The following RYR2 variants were observed in gnomAD, a reference collection of about 807,000 sequenced individuals.
The protein encoded by RYR2 is cardiac muscle ryanodine receptor-calcium release channel.
RYR2 carries 227 observed loss-of-function variants against 601.1 expected under a neutral mutation model. The ratio of observed to expected loss-of-function variants is 0.38; its 90% CI spans 0.34 to 0.42. The LOEUF is 0.42. Among genes scored for constraint, RYR2 ranks in the 10% least tolerant of loss-of-function variants. RYR2 has a pLI of 1.00. For synonymous variants in RYR2, 2,223 were observed against 2,175.1 expected, an observed-to-expected ratio of 1.02 and a Z score of -0.61; for missense variants, 4,646 against 6,156.5, an observed-to-expected ratio of 0.75 and a Z score of 8.21.
chr1:237,216,765 AC>A (rs1683219598), intron 1 of RYR2, among the ~76,000 whole-genome samples: 7 of 151,184 alleles, frequency 4.6e-5, no homozygotes, highest in Non-Finnish European at 1.5e-5. Flanking sequence ...AAAAAAAAAA[AC>A]AAAAAACAAA....
At chr1:237,249,231 T>C (rs1007897222) in intron 1 of RYR2, among the ~76,000 whole-genome samples, 3 of 152,192 alleles carry the variant, frequency 2.0e-5, no homozygotes, top group African/African-American at 7.2e-5. Flanking sequence ...GTTTTTATAT[T>C]ACTCATAGTA....
At chr1:237,302,064 AT>A (rs1693406817) in intron 2 of RYR2, among the ~76,000 whole-genome samples, 1 of 152,178 alleles carries the variant, frequency 6.6e-6, no homozygotes, top group African/African-American at 2.4e-5. Flanking sequence ...TTCAGACATA[AT>A]TTAAATGAAA....
chr1:237,202,736 T>A (rs953654078), intron 1 of RYR2, among the ~76,000 whole-genome samples: 2 of 152,176 alleles, frequency 1.3e-5, no homozygotes, highest in African/African-American at 4.8e-5. Flanking sequence ...ATGGAAATCT[T>A]GTTCTGAACA....
chr1:237,493,508 A>C (rs760825067), intron 19 of RYR2, among the ~76,000 whole-genome samples: 5 of 152,032 alleles, frequency 3.3e-5, no homozygotes, highest in Non-Finnish European at 7.4e-5. Context: ...GCTGGAGTGC[A>C]GTGGCACGAT....
In RYR2 at chr1:237,066,815, G is replaced by C. The variant is rs559964314; in HGVS notation, c.48+24246G>C. ...CACCACCACACCCGGCTAATTTTTT[G>C]TATTTTTAGTAGAGACGGGGTTTCA... On this transcript the variant is annotated intron_variant, in intron 1 of 104. Transcript: ENST00000366574. 1.6e-3 allele frequency among the ~76,000 whole-genome samples: 243 copies of C among 151,964 alleles called. 1 individual carries two copies. Among genetic ancestry groups the C allele is most frequent in the Middle Eastern group, 3.4e-3 (1 of 294 alleles).
chr1:237,070,677 T>A (rs929057280), intron 1 of RYR2, among the ~76,000 whole-genome samples: 1 of 151,858 alleles, frequency 6.6e-6, no homozygotes, highest in African/African-American at 2.4e-5. Flanking sequence ...GAGGCCAGGG[T>A]TGTGTGAGCA....
chr1:237,042,685 G>GC, intron 1 of RYR2, 116 bp downstream of exon 1: 1 of 1,034,404 alleles, frequency 9.7e-7, no homozygotes. Context: ...GCGAGGGGGT[G>GC]CCCCCTGAGG....
chr1:237,435,748 GA>G (rs1379217354), intron 12 of RYR2, among the ~76,000 whole-genome samples: 2 of 152,156 alleles, frequency 1.3e-5, no homozygotes, highest in African/African-American at 4.8e-5. Flanking sequence ...AGATGACACA[GA>G]AATACATATC....
In RYR2 at chr1:237,661,263, G is replaced by A. The variant is rs557785465; in HGVS notation, c.8436+316G>A. Among the ~76,000 whole-genome samples, 10 of 151,940 alleles carry A rather than the reference G, an allele frequency of 6.6e-5. No individual in the cohort carries two copies. The East Asian group carries it at 1.8e-3, about 27-fold the overall frequency. On this transcript the variant is annotated intron_variant, in intron 56 of 104. Transcript: ENST00000366574. The stretch of plus-strand genomic sequence containing the variant: ...ACACAGGAACAGAAAACCAAACACC[G>A]CATGTTCTCACTCATAAGTGGAAGC...
At position 237,651,431 on chromosome 1, in the gene RYR2, T is replaced by A; in HGVS notation, c.7754T>A (p.Met2585Lys). 1.3e-6 allele frequency: 2 copies of A among 1,596,510 alleles called. No homozygotes were observed. Among genetic ancestry groups the A allele is most frequent in the Non-Finnish European group, 1.7e-6 (2 of 1,170,526 alleles). The change falls in exon 51 of 105, where the codon ATG becomes AAG. Residue 2585 changes from methionine to lysine, a missense_variant. By Grantham distance (95) the Met-to-Lys change is moderately conservative (BLOSUM62 -1). Around this residue, in one of 17 missense-constraint regions of RYR2, gnomAD observed 1,497 missense variants for 1,842.6 expected, o/e 0.81. Transcript: ENST00000366574. The part of the protein sequence containing the change: ...SICGQLRPSM[M>K]QHLLRRLVFD... ...AACAGACAACTGAGACCTTCTATGA[T>A]GCAGCACTTACTCAGAAGATTAGTA...
chr1:237,823,418 C>A (rs572855056), intron 101 of RYR2, among the ~76,000 whole-genome samples: 2 of 152,256 alleles, frequency 1.3e-5, no homozygotes, highest in East Asian at 3.9e-4. Context: ...ACAACCTGCT[C>A]CTGAATGACT....
intron 41 of RYR2, 90 bp downstream of exon 41, chr1:237,628,170 A>C: frequency 7.3e-7 from 1 of 1,374,662 alleles, no homozygotes; most frequent in East Asian, 2.4e-5. Context: ...CATTGATAAA[A>C]ATATATTGTC....
At chr1:237,181,338 G>A (rs1389737853) in intron 1 of RYR2, among the ~76,000 whole-genome samples, 1 of 152,032 alleles carries the variant, frequency 6.6e-6, no homozygotes, top group Non-Finnish European at 1.5e-5. Context: ...CCACAAGACA[G>A]GTTCCGACGA....
chr1:237,111,402 A>G (rs909708592), intron 1 of RYR2, among the ~76,000 whole-genome samples: 3 of 152,180 alleles, frequency 2.0e-5, no homozygotes, highest in Non-Finnish European at 2.9e-5. Context: ...AGCCTGGCCA[A>G]CATGGCGAAA....
chr1:237,225,200 C>T (rs535535412), intron 1 of RYR2, among the ~76,000 whole-genome samples: 72 of 152,250 alleles, frequency 4.7e-4, no homozygotes, highest in Non-Finnish European at 7.8e-4. Flanking sequence ...AAGAGGAAGG[C>T]AGATATAAGA....
chr1:237,746,263 AAC>A (rs1352365485), intron 80 of RYR2, among the ~76,000 whole-genome samples: 2 of 152,186 alleles, frequency 1.3e-5, no homozygotes, highest in Admixed American at 1.3e-4. Context: ...TAATTCTTAT[AAC>A]ACATTATATC....
At chr1:237,350,346 G>A (rs536218175) in intron 3 of RYR2, among the ~76,000 whole-genome samples, 24 of 151,564 alleles carry the variant, frequency 1.6e-4, no homozygotes, top group Non-Finnish European at 2.8e-4. Context: ...GAGGTGAGTG[G>A]ATCCCTTGAG....
intron 1 of RYR2, among the ~76,000 whole-genome samples, chr1:237,168,111 A>C (rs1268009818): frequency 6.6e-6 from 1 of 152,142 alleles, no homozygotes; most frequent in African/African-American, 2.4e-5. Flanking sequence ...GGGCTATCAC[A>C]GTGTGTCTTG....
At chr1:237,119,901 G>A (rs1670588417) in intron 1 of RYR2, among the ~76,000 whole-genome samples, 1 of 152,182 alleles carries the variant, frequency 6.6e-6, no homozygotes, top group South Asian at 2.1e-4. Context: ...GCAATTAAGT[G>A]ATAAACGAGT....
Sources: gnomAD v4.1 joint callset for allele counts (sites outside exome capture counted in the v4.1 genomes callset) on GRCh38, gnomAD v4.1.1 for gene constraint, gnomAD v4.1.1 regional missense constraint, MANE v1.5 for transcripts, NCBI Gene and HGNC (gene_info 2026-07-23, HGNC 2026-07-21) for gene names.